KCTD8: variants seen among roughly 807,000 people sequenced by gnomAD.
KCTD8 encodes potassium channel tetramerization domain containing 8.
KCTD8 carries 27 observed loss-of-function variants against 31.5 expected under a neutral mutation model. The observed-to-expected ratio is 0.86, with a 90% CI of 0.63 to 1.18. The LOEUF (loss-of-function observed/expected upper bound fraction) is 1.18, where lower values mean the gene tolerates loss of function less well. Ranked by LOEUF, KCTD8 falls within the 50% of genes most tolerant of loss-of-function variation. The pLI is 0.00. For synonymous variants in KCTD8, 290 were observed against 280.0 expected (o/e 1.04, Z -0.36); for missense variants, 658 against 647.7 (o/e 1.02, Z -0.17).
intron 1 of KCTD8, among the ~76,000 whole-genome samples, chr4:44,316,901 T>C (rs1718137381): frequency 6.9e-6 from 1 of 144,490 alleles, no homozygotes; most frequent in South Asian, 2.3e-4. Flanking sequence ...TGACATGAAC[T>C]CAGGAGGCAG....
At chr4:44,356,060 T>C (rs1719334292) in intron 1 of KCTD8, among the ~76,000 whole-genome samples, 1 of 152,196 alleles carries the variant, frequency 6.6e-6, no homozygotes, top group South Asian at 2.1e-4. Context: ...ATATACTACA[T>C]ATAACTTCTA....
intron 1 of KCTD8, among the ~76,000 whole-genome samples, chr4:44,193,357 A>G (rs924310571): frequency 2.6e-5 from 4 of 152,134 alleles, no homozygotes; most frequent in African/African-American, 9.7e-5. Flanking sequence ...CATATTTGGA[A>G]GAGGCAGAGG....
intron 1 of KCTD8, among the ~76,000 whole-genome samples, chr4:44,305,234 C>T (rs11725748): frequency 0.27 from 40,194 of 150,844 alleles, 5,769 homozygotes; most frequent in East Asian, 0.39. Context: ...CATTAAAATA[C>T]GTGATAGATA....
At chr4:44,259,009 G>T (rs549388837) in intron 1 of KCTD8, among the ~76,000 whole-genome samples, 4 of 151,814 alleles carry the variant, frequency 2.6e-5, no homozygotes, top group African/African-American at 4.8e-5. Flanking sequence ...ACCATTTAGG[G>T]TCAATAATTT....
At chr4:44,216,893 AT>A (rs796565307) in intron 1 of KCTD8, among the ~76,000 whole-genome samples, 17 of 150,374 alleles carry the variant, frequency 1.1e-4, no homozygotes, top group South Asian at 2.1e-4. Flanking sequence ...TCAAAAGTTA[AT>A]TTTTTTTTTG....
intron 1 of KCTD8, among the ~76,000 whole-genome samples, chr4:44,322,677 T>G (rs898504190): frequency 1.3e-5 from 2 of 152,068 alleles, no homozygotes; most frequent in African/African-American, 2.4e-5. Flanking sequence ...CAATGTCCTG[T>G]AGCATTTCCT....
At chr4:44,296,615 T>G (rs571413549) in intron 1 of KCTD8, among the ~76,000 whole-genome samples, 1 of 152,178 alleles carries the variant, frequency 6.6e-6, no homozygotes, top group Admixed American at 6.5e-5. Flanking sequence ...TAGACTATTT[T>G]GCTGCTCTTT....
chr4:44,182,094 C>T (rs1484541752), intron 1 of KCTD8, among the ~76,000 whole-genome samples: 20 of 151,820 alleles, frequency 1.3e-4, no homozygotes, highest in African/African-American at 2.9e-4. Context: ...CCCCTCCGCC[C>T]GACAGCCGCC....
chr4:44,370,419 G>A (rs1719751066), intron 1 of KCTD8, among the ~76,000 whole-genome samples: 1 of 152,168 alleles, frequency 6.6e-6, no homozygotes, highest in Non-Finnish European at 1.5e-5. Flanking sequence ...TATATTATCA[G>A]AATAATTAGC....
intron 1 of KCTD8, among the ~76,000 whole-genome samples, chr4:44,349,041 A>G (rs1407166703): frequency 6.6e-6 from 1 of 151,672 alleles, no homozygotes; most frequent in Non-Finnish European, 1.5e-5. Flanking sequence ...GCTAATGTCT[A>G]TGCTTAGTAG....
At chr4:44,288,485 G>T (rs534718510) in intron 1 of KCTD8, among the ~76,000 whole-genome samples, 2 of 152,008 alleles carry the variant, frequency 1.3e-5, no homozygotes, top group Non-Finnish European at 2.9e-5. Flanking sequence ...TTTAAATATA[G>T]AAATTAAACA....
chr4:44,254,568 TG>T (rs1715939643), intron 1 of KCTD8, among the ~76,000 whole-genome samples: 1 of 151,362 alleles, frequency 6.6e-6, no homozygotes, highest in Non-Finnish European at 1.5e-5. Flanking sequence ...AGTTATTTTC[TG>T]TAAATCTCAG....
chr4:44,336,219 A>C (rs1718741345), intron 1 of KCTD8, among the ~76,000 whole-genome samples: 1 of 151,102 alleles, frequency 6.6e-6, no homozygotes, highest in Non-Finnish European at 1.5e-5. Flanking sequence ...ATATTAGCAA[A>C]TATGATTCAT....
In KCTD8 at chr4:44,174,884, C is replaced by T; in HGVS notation, c.1328G>A (p.Cys443Tyr). The change falls in exon 2 of 2, where the codon TGT (cysteine) becomes TAT (tyrosine). Residue 443 changes from cysteine (C) to tyrosine (Y), a missense_variant. Cys to Tyr is a radical substitution (Grantham distance 194, BLOSUM62 -2). Coordinates refer to ENST00000360029, the MANE Select transcript of KCTD8 (RefSeq NM_198353.3). ...KLSVEEEMKK[C>Y]IQDFKKIHIP... ...GTGGATTTTTTTAAAATCCTGAATA[C>T]ACTTTTTCATTTCTTCTTCCACACT... The T allele has an allele frequency of 1.2e-6, 2 of 1,614,122 alleles. No individual in the cohort carries two copies. Among genetic ancestry groups the T allele is most frequent in the Non-Finnish European group, 1.7e-6 (2 of 1,179,984 alleles).
At chr4:44,343,382 A>G (rs984537303) in intron 1 of KCTD8, among the ~76,000 whole-genome samples, 3 of 152,178 alleles carry the variant, frequency 2.0e-5, no homozygotes, top group Non-Finnish European at 4.4e-5. Context: ...ACTGTCTTCT[A>G]TGGGCACAGC....
intron 1 of KCTD8, among the ~76,000 whole-genome samples, chr4:44,369,316 T>C (rs1205702006): frequency 6.6e-6 from 1 of 152,216 alleles, no homozygotes; most frequent in Non-Finnish European, 1.5e-5. Context: ...GCCTTCTATA[T>C]AGAAGAGTTA....
intron 1 of KCTD8, among the ~76,000 whole-genome samples, chr4:44,192,147 T>C (rs1246378277): frequency 1.3e-5 from 2 of 152,216 alleles, no homozygotes; most frequent in African/African-American, 2.4e-5. Context: ...CGATAAATGC[T>C]TAATGCATAA....
chr4:44,382,087 T>G (rs868859767), intron 1 of KCTD8, among the ~76,000 whole-genome samples: 6 of 152,024 alleles, frequency 3.9e-5, no homozygotes, highest in Non-Finnish European at 8.8e-5. Context: ...GCAAATAATA[T>G]TAGTTTTAAA....
At chr4:44,346,189 T>G (rs1719032663) in intron 1 of KCTD8, among the ~76,000 whole-genome samples, 1 of 152,184 alleles carries the variant, frequency 6.6e-6, no homozygotes, top group South Asian at 2.1e-4. Flanking sequence ...TGATCACATG[T>G]ACATTTCTAT....
Sources: gnomAD v4.1 joint callset for allele counts (sites outside exome capture counted in the v4.1 genomes callset) on GRCh38, gnomAD v4.1.1 for gene constraint, MANE v1.5 for transcripts, NCBI Gene and HGNC (gene_info 2026-07-23, HGNC 2026-07-21) for gene names.